VPS13C: variants seen among roughly 807,000 people sequenced by gnomAD.
VPS13C encodes the protein intermembrane lipid transfer protein VPS13C.
A neutral mutation model predicts 456.8 loss-of-function variants in VPS13C; 358 were observed. The observed-to-expected ratio is 0.78, with a 90% CI of 0.72 to 0.86. The LOEUF is 0.86. VPS13C is among the 40% of genes least tolerant of loss of function. The pLI, the probability that VPS13C is intolerant of heterozygous loss-of-function variation, is 0.00. For missense variants in VPS13C, 4,818 were observed against 4,385.4 expected (o/e 1.10, Z -2.79); for synonymous variants, 1,578 against 1,486.7 (o/e 1.06, Z -1.41).
rs1054136507 is a variant in VPS13C, at chr15:61,892,552, G to A, written c.9106-2152C>T. 5.3e-5 allele frequency among the ~76,000 whole-genome samples: 8 copies of A among 152,080 alleles called. No individual in the cohort carries two copies. The South Asian group carries it at 6.2e-4, about 12-fold the overall frequency. On this transcript the variant is annotated intron_variant, in intron 66 of 84. Coordinates refer to ENST00000644861, the MANE Select transcript of VPS13C (RefSeq NM_020821.3). ...CAAAACAAGCCAGAGAACAAACACT[G>A]GAATAAATAAATAATCCTTCAATGT...
chr15:62,023,428 T>C lies in VPS13C; in HGVS notation c.607A>G (p.Ile203Val), dbSNP rs774931761. 5.2e-6 allele frequency: 8 copies of C among 1,528,516 alleles called. No homozygotes were observed. Among genetic ancestry groups the C allele is most frequent in the Non-Finnish European group, 7.1e-6 (8 of 1,132,258 alleles). 94.7% of individuals were successfully genotyped at this position (1,528,516 alleles called of 1,614,324 possible). Residue 203 changes from isoleucine to valine, a missense_variant, in exon 8 of 85, where the codon ATT becomes GTT. This residue lies in a region of VPS13C where 4,552 missense variants were observed against 4,130.6 expected (regional missense o/e 1.10). Transcript: ENST00000644861. ...TTACTTACATCATCTTCATATTTAA[T>C]GTGAATATCTGTGATTTTTACTTGT... Reference protein sequence around the residue: ...NVQVKITDIHIKYEDDVTDPK... With the variant: ...NVQVKITDIHVKYEDDVTDPK...
chr15:61,923,238 C>T (rs1044633943), intron 53 of VPS13C, among the ~76,000 whole-genome samples: 6 of 150,034 alleles, frequency 4.0e-5, no homozygotes, highest in Admixed American at 3.3e-4. Flanking sequence ...AAAAGATATA[C>T]ATTTGCCTTA....
chr15:61,856,333 C>G lies in VPS13C; in HGVS notation c.11029G>C (p.Val3677Leu). ...VDWQCPFEDF[V>L]FPPSVSENVL... is the part of the protein sequence containing the mutation. ...TTTTCACTGACACTAGGAGGAAATA[C>G]AAAATCTTCAAATGGACATTGCCAG... Residue 3677 changes from valine to leucine, a missense_variant, in exon 83 of 85, where the codon GTA becomes CTA. By Grantham distance (32) the Val-to-Leu change is conservative. This residue lies in a region of VPS13C where 261 missense variants were observed against 234.1 expected (regional missense o/e 1.11). Transcript: ENST00000644861. The G allele has an allele frequency of 6.2e-7, 1 of 1,613,240 alleles. No individual in the cohort carries two copies. Among genetic ancestry groups the G allele is most frequent in the South Asian group, 1.1e-5 (1 of 90,992 alleles).
chr15:61,941,259 T>C (rs576604022), intron 46 of VPS13C, among the ~76,000 whole-genome samples: 1 of 152,280 alleles, frequency 6.6e-6, no homozygotes, highest in South Asian at 2.1e-4. Context: ...TCATTCCAGC[T>C]TGCCTGCCAA....
chr15:61,964,998 G>T, intron 30 of VPS13C, 137 bp from the exon 31 acceptor site: 1 of 771,276 alleles, frequency 1.3e-6, no homozygotes, highest in Non-Finnish European at 2.0e-6. Context: ...AAAAGTGGAA[G>T]ATTCACAATC....
At chr15:61,873,120 T>C in intron 78 of VPS13C, 126 bp downstream of exon 78, 4 of 1,400,450 alleles carry the variant, frequency 2.9e-6, no homozygotes, top group Non-Finnish European at 1.9e-6. Context: ...GGGAAGTCCA[T>C]CATTTATCAT....
intron 46 of VPS13C, 69 bp from the exon 47 acceptor site, chr15:61,940,863 G>A (rs1022597941): frequency 4.8e-6 from 7 of 1,459,738 alleles, no homozygotes; most frequent in African/African-American, 1.4e-5. Context: ...ATCCTATTGT[G>A]TAACAGTTTC....
chr15:61,905,789 C>T (rs1382332794), intron 66 of VPS13C, among the ~76,000 whole-genome samples: 1 of 151,976 alleles, frequency 6.6e-6, no homozygotes, highest in African/African-American at 2.4e-5. Context: ...TAATCTTTGT[C>T]ATTTCTCTAA....
intron 35 of VPS13C, among the ~76,000 whole-genome samples, chr15:61,961,270 T>C (rs1042740692): frequency 3.3e-5 from 5 of 151,712 alleles, no homozygotes; most frequent in African/African-American, 4.9e-5. Context: ...CACATGTCTA[T>C]AGTCCCAGCT....
intron 80 of VPS13C, 73 bp downstream of exon 80, chr15:61,869,427 T>TA (rs2140870982): frequency 6.5e-7 from 1 of 1,528,126 alleles, no homozygotes; most frequent in East Asian, 2.3e-5. Flanking sequence ...GCAAATAATC[T>TA]AATCTATTTA....
intron 50 of VPS13C, among the ~76,000 whole-genome samples, chr15:61,930,876 T>A (rs545214897): frequency 6.6e-6 from 1 of 152,342 alleles, no homozygotes; most frequent in East Asian, 1.9e-4. Flanking sequence ...ATTCTAAATA[T>A]GTTACTCCAT....
Position 61,911,970 on chromosome 15 carries a change from A to T in VPS13C, c.8585T>A (p.Leu2862His), listed in dbSNP as rs199917836. The T allele has an allele frequency of 1.3e-4, 210 of 1,608,052 alleles. No individual in the cohort carries two copies. The highest frequency in any genetic ancestry group is 1.7e-4 in the Non-Finnish European group (202 of 1,177,270). Residue 2862 changes from leucine to histidine, a missense_variant, in exon 63 of 85, where the codon CTT becomes CAT. Transcript: ENST00000644861. ...GGGAGTCAGGGTAACTATTCGTGAAAGGTTGAAACTGCTCATTTTGATGCT... is the reference window on the plus strand; with the variant it reads ...GGGAGTCAGGGTAACTATTCGTGAATGGTTGAAACTGCTCATTTTGATGCT... ...GVSIKMSSFN[L>H]SRIVTLTPFC...
intron 36 of VPS13C, among the ~76,000 whole-genome samples, chr15:61,959,107 A>G (rs1157380413): frequency 1.3e-5 from 2 of 152,104 alleles, no homozygotes; most frequent in East Asian, 1.9e-4. Flanking sequence ...AATATAAAAA[A>G]GTAAATATTT....
chr15:61,947,505 C>T (rs1413838369), intron 42 of VPS13C, among the ~76,000 whole-genome samples, 196 bp from the exon 43 acceptor site: 1 of 151,964 alleles, frequency 6.6e-6, no homozygotes, highest in Non-Finnish European at 1.5e-5. Context: ...GCACGTTCCC[C>T]TTCAAATTAA....
chr15:62,000,292 G>C (rs558057153), intron 16 of VPS13C, among the ~76,000 whole-genome samples: 39 of 152,208 alleles, frequency 2.6e-4, no homozygotes, highest in Non-Finnish European at 4.1e-4. Flanking sequence ...TTGCACCCGG[G>C]AGGCAGAGGC....
Position 62,000,558 on chromosome 15 carries a change from G to T in VPS13C, c.1353+6C>A. The T allele has an allele frequency of 6.2e-7, 1 of 1,603,160 alleles. No homozygotes were observed. Among genetic ancestry groups the T allele is most frequent in the South Asian group, 1.1e-5 (1 of 87,904 alleles). On this transcript the variant is annotated splice_donor_region_variant and intron_variant, in intron 16 of 84. Coordinates refer to ENST00000644861, the MANE Select transcript of VPS13C (RefSeq NM_020821.3). Reference sequence around the variant, plus strand: ...AAACATAAAATCAGCTAATAAAAATGATTACCTCAACTTGTGCTTGTTGCC... The same window carrying T: ...AAACATAAAATCAGCTAATAAAAATTATTACCTCAACTTGTGCTTGTTGCC...
At chr15:61,986,204 T>C (rs145875099) in intron 18 of VPS13C, among the ~76,000 whole-genome samples, 21 of 135,938 alleles carry the variant, frequency 1.5e-4, no homozygotes, top group African/African-American at 5.5e-4. Flanking sequence ...CAACAGAAAA[T>C]AGATTCACAG....
chr15:61,867,838 T>A lies in VPS13C; in HGVS notation c.10863+821A>T. ...GTTTTAAAGAAAATTTCATTAAAAT[T>A]GACAATGGAATTCACACACAGTCAA... is the stretch of plus-strand genomic sequence containing the variant. On this transcript the variant is annotated intron_variant, in intron 81 of 84. Coordinates refer to ENST00000644861, the MANE Select transcript of VPS13C (RefSeq NM_020821.3). This position sits in a 1 kb window ranked among gnomAD's most constrained non-coding sequence, Gnocchi z 5.0. 2 of 1,551,916 alleles carry A rather than the reference T, an allele frequency of 1.3e-6. No individual in the cohort carries two copies. The highest frequency in any genetic ancestry group is 1.7e-6 in the Non-Finnish European group (2 of 1,150,978).
At chr15:62,046,168 T>C (rs1298848258) in intron 1 of VPS13C, among the ~76,000 whole-genome samples, 2 of 151,890 alleles carry the variant, frequency 1.3e-5, no homozygotes, top group African/African-American at 2.4e-5. Flanking sequence ...TAGTATATAG[T>C]AGGAGGGAAA....
Sources: allele counts gnomAD v4.1 joint callset (sites outside exome capture counted in the v4.1 genomes callset), GRCh38; gene constraint gnomAD v4.1.1; regional missense constraint gnomAD v4.1.1; non-coding constraint Gnocchi (gnomAD v3.1); transcripts MANE v1.5; gene names NCBI Gene and HGNC (gene_info 2026-07-23, HGNC 2026-07-21).